GLIS3: variants seen among roughly 807,000 people sequenced by gnomAD.
The protein encoded by GLIS3 is zinc finger protein GLIS3.
A neutral mutation model predicts 78.6 loss-of-function variants in GLIS3; 53 were observed. The ratio of observed to expected loss-of-function variants is 0.67; its 90% CI spans 0.54 to 0.85. The LOEUF (loss-of-function observed/expected upper bound fraction) is 0.85. Among genes scored for constraint, GLIS3 ranks in the 40% least tolerant of loss-of-function variants. The pLI, the probability that GLIS3 is intolerant of heterozygous loss-of-function variation, is 0.00. For missense variants in GLIS3, 1,703 were observed against 1,231.1 expected (o/e 1.38, Z -5.74); for synonymous variants, 684 against 509.9 (o/e 1.34, Z -4.60).
chr9:4,405,828 C>T, the GLIS3 span, among the ~76,000 whole-genome samples: 10 of 150,896 alleles, frequency 6.6e-5, 1 homozygote, highest in East Asian at 1.9e-3. Context: ...CAACAAAATA[C>T]TAGCAAACAA....
intron 4 of GLIS3, among the ~76,000 whole-genome samples, chr9:3,938,929 A>C (rs994056590): frequency 6.6e-6 from 1 of 152,204 alleles, no homozygotes; most frequent in Non-Finnish European, 1.5e-5. Flanking sequence ...GCCTCTGCTG[A>C]CCAAACCTCT....
At chr9:4,385,708 A>C in the GLIS3 span, among the ~76,000 whole-genome samples, 1 of 116,310 alleles carries the variant, frequency 8.6e-6, no homozygotes, top group East Asian at 2.5e-4. Context: ...GAAACAAAGA[A>C]AGGAGAGAGA....
intron 2 of GLIS3, among the ~76,000 whole-genome samples, chr9:4,259,093 T>C (rs1825258470): frequency 6.6e-6 from 1 of 152,108 alleles, no homozygotes; most frequent in African/African-American, 2.4e-5. Flanking sequence ...ACTTCTCTAA[T>C]TAATGAAGAC....
chr9:3,987,523 G>A lies in GLIS3; in HGVS notation c.1711-50334C>T, dbSNP rs112435522. On this transcript the variant is annotated intron_variant, in intron 4 of 10. Transcript: ENST00000381971. ...TCGAGACCAGCCTGGCCAACATGGT[G>A]AAACCCTGTCTCTACTAAAAATGCA... Among the ~76,000 whole-genome samples, 1,367 of 151,722 alleles carry A rather than the reference G, an allele frequency of 9.0e-3. 9 individuals carry two copies. Among genetic ancestry groups the A allele is most frequent in the Middle Eastern group, 0.027 (8 of 294 alleles).
rs184379960 is a variant in GLIS3, at chr9:3,901,210, C to T, written c.1984-2375G>A. ...GCTGACTCCCTTTTCAGACTCAGCC[C>T]GCTCGCACCGGAGTGAATAAACAGC... On this transcript the variant is annotated intron_variant, in intron 6 of 10. Coordinates refer to ENST00000381971, the MANE Select transcript of GLIS3 (RefSeq NM_001042413.2). 65 of 172,644 alleles carry T rather than the reference C, an allele frequency of 3.8e-4. No homozygotes were observed. In the East Asian group the frequency reaches 8.7e-3, roughly 23 times the overall value. 10.7% of individuals were successfully genotyped at this position (172,644 alleles called of 1,614,324 possible).
intron 2 of GLIS3, among the ~76,000 whole-genome samples, chr9:4,271,260 T>C (rs1453483190): frequency 6.6e-6 from 1 of 152,160 alleles, no homozygotes; most frequent in African/African-American, 2.4e-5. Flanking sequence ...CAGTATACAA[T>C]ACATACAAAA....
chr9:4,174,271 G>A (rs1447751342), intron 2 of GLIS3, among the ~76,000 whole-genome samples: 3 of 152,254 alleles, frequency 2.0e-5, no homozygotes, highest in African/African-American at 4.8e-5. Flanking sequence ...CAGGTTTCAT[G>A]TATTATACCT....
chr9:4,395,549 G>A, the GLIS3 span, among the ~76,000 whole-genome samples: 1 of 152,184 alleles, frequency 6.6e-6, no homozygotes, highest in Admixed American at 6.5e-5. Context: ...TTTTGGTACT[G>A]GTGCCTGGGA....
At chr9:4,112,428 G>A (rs1201122603) in intron 4 of GLIS3, among the ~76,000 whole-genome samples, 1 of 152,174 alleles carries the variant, frequency 6.6e-6, no homozygotes, top group East Asian at 1.9e-4. Context: ...AACAGGGTAG[G>A]CTTTTATTTA....
Position 4,125,846 on chromosome 9 carries a change from C to G in GLIS3, c.484G>C (p.Gly162Arg), listed in dbSNP as rs151142874. 1.2e-6 allele frequency: 2 copies of G among 1,613,990 alleles called. No homozygotes were observed. Among genetic ancestry groups the G allele is most frequent in the African/African-American group, 2.7e-5 (2 of 74,974 alleles). Residue 162 changes from glycine to arginine, a missense_variant, in exon 3 of 11, where the codon GGA becomes CGA. Transcript: ENST00000381971. ...TGGCTTGCTGGAGGTGAAATGAGTC[C>G]CAGTCGCTGAACCATCATGGGACTG... ...TSSPMMVQRL[G>R]LISPPASQVS... is the part of the protein sequence containing the mutation.
chr9:4,400,006 G>A, the GLIS3 span, among the ~76,000 whole-genome samples: 50 of 152,170 alleles, frequency 3.3e-4, no homozygotes, highest in Non-Finnish European at 6.9e-4. Flanking sequence ...AGGAGATTGG[G>A]CAATGGGATG....
chr9:4,334,195 G>A (rs1229047192), intron 2 of GLIS3, among the ~76,000 whole-genome samples: 1 of 152,206 alleles, frequency 6.6e-6, no homozygotes, highest in Admixed American at 6.5e-5. Context: ...AAGAAACTGA[G>A]TAAAGGGGAC....
intron 4 of GLIS3, among the ~76,000 whole-genome samples, chr9:3,967,884 T>A (rs994656746): frequency 2.0e-5 from 3 of 151,812 alleles, no homozygotes; most frequent in Non-Finnish European, 4.4e-5. Flanking sequence ...AGGGGGAGAG[T>A]GATGGAGGCT....
chr9:4,421,375 C>T, the GLIS3 span, among the ~76,000 whole-genome samples: 1 of 152,228 alleles, frequency 6.6e-6, no homozygotes, highest in Non-Finnish European at 1.5e-5. Context: ...CTAATAAAAG[C>T]TGCTGATGCT....
chr9:4,418,831 TGAAGA>T, the GLIS3 span, among the ~76,000 whole-genome samples: 2 of 152,138 alleles, frequency 1.3e-5, no homozygotes, highest in Non-Finnish European at 2.9e-5. Context: ...GTGGTACAGA[TGAAGA>T]GAAAAGTATT....
intron 4 of GLIS3, among the ~76,000 whole-genome samples, chr9:4,104,328 C>G (rs150580699): frequency 6.6e-6 from 1 of 152,122 alleles, no homozygotes; most frequent in Non-Finnish European, 1.5e-5. Context: ...AAAGTTACCT[C>G]TGACACTTCT....
In GLIS3 at chr9:4,118,325, C is replaced by T. The variant is rs1465576344; in HGVS notation, c.1153G>A (p.Gly385Ser). Residue 385 changes from glycine (G) to serine (S), a missense_variant, in exon 4 of 11, where the codon GGC becomes AGC. Transcript: ENST00000381971. The surrounding 1 kb of genome is among the most constrained non-coding windows in gnomAD (Gnocchi z 4.7). Reference sequence around the variant, plus strand: ...TCGTGCTCCAGGGCCCCGTCCTCGCCGTAGGCCGGCAGCGCCAGGCCTCCA... The same window carrying T: ...TCGTGCTCCAGGGCCCCGTCCTCGCTGTAGGCCGGCAGCGCCAGGCCTCCA... ...APGGLALPAY[G>S]EDGALEHERM... 7 of 1,574,298 alleles carry T rather than the reference C, an allele frequency of 4.4e-6. No individual in the cohort carries two copies. Among genetic ancestry groups the T allele is most frequent in the Admixed American group, 3.6e-5 (2 of 54,956 alleles).
chr9:4,440,849 T>C, the GLIS3 span, among the ~76,000 whole-genome samples: 1 of 152,194 alleles, frequency 6.6e-6, no homozygotes. Context: ...AGTTTTTTTG[T>C]AGTTTTCATT....
In GLIS3 at chr9:3,946,447, C is replaced by T. The variant is rs1413612030; in HGVS notation, c.1711-9258G>A. 3.9e-5 allele frequency among the ~76,000 whole-genome samples: 6 copies of T among 152,296 alleles called. No individual in the cohort carries two copies. In the East Asian group the frequency reaches 9.7e-4, roughly 25 times the overall value. ...TAATTAGGTAGGGTTGGTTACTGCT[C>T]ATGATGACATCAAATGGTCAACACT... On this transcript the variant is annotated intron_variant, in intron 4 of 10. Coordinates refer to ENST00000381971, the MANE Select transcript of GLIS3 (RefSeq NM_001042413.2).
Sources: allele counts gnomAD v4.1 joint callset (sites outside exome capture counted in the v4.1 genomes callset), GRCh38; gene constraint gnomAD v4.1.1; non-coding constraint Gnocchi (gnomAD v3.1); transcripts MANE v1.5; gene names NCBI Gene and HGNC (gene_info 2026-07-23, HGNC 2026-07-21).